The following TECPR2 variants were observed in gnomAD, a reference collection of about 807,000 sequenced individuals.
TECPR2 encodes the protein tectonin beta-propeller repeat-containing protein 2.
TECPR2 carries 65 observed loss-of-function variants against 138.1 expected under a neutral mutation model. The observed-to-expected ratio is 0.47, with a 90% CI of 0.39 to 0.58. The LOEUF is 0.58. Among genes scored for constraint, TECPR2 ranks in the 20% least tolerant of loss-of-function variants. The pLI is 0.00. For synonymous variants in TECPR2, 746 were observed against 749.8 expected (o/e 0.99, Z 0.08); for missense variants, 1,553 against 1,824.5 (o/e 0.85, Z 2.71).
chr14:102,390,722 C>T (rs1053823395), intron 2 of TECPR2, among the ~76,000 whole-genome samples: 1 of 151,904 alleles, frequency 6.6e-6, no homozygotes, highest in African/African-American at 2.4e-5. Context: ...CTAACACTTA[C>T]AGTGGTTTGA....
At chr14:102,383,405 G>T (rs1887892809) in intron 2 of TECPR2, among the ~76,000 whole-genome samples, 2 of 149,382 alleles carry the variant, frequency 1.3e-5, no homozygotes. Context: ...TGTCTTTTTT[G>T]TTTTTTTTGT....
At chr14:102,477,787 T>G (rs1192931395) in intron 17 of TECPR2, among the ~76,000 whole-genome samples, 5 of 139,746 alleles carry the variant, frequency 3.6e-5, no homozygotes, top group Non-Finnish European at 1.5e-5. Context: ...TACAAAAAAT[T>G]AGCCAGGCGT....
At position 102,419,157 on chromosome 14, in the gene TECPR2, G is replaced by A. The variant is rs953380795; in HGVS notation, c.638+4364G>A. Reference sequence around the variant, plus strand: ...GGGCATCAGGAGAGAACAGGAGTTGGGGGGTCAGAGGAGTCGGAGGCCATA... The same window carrying A: ...GGGCATCAGGAGAGAACAGGAGTTGAGGGGTCAGAGGAGTCGGAGGCCATA... On this transcript the variant is annotated intron_variant, in intron 5 of 19. Coordinates refer to ENST00000359520, the MANE Select transcript of TECPR2 (RefSeq NM_014844.5). This position sits in a 1 kb window ranked among gnomAD's most constrained non-coding sequence, Gnocchi z 4.8. Among the ~76,000 whole-genome samples the A allele has an allele frequency of 3.9e-5, 6 of 152,228 alleles. No homozygotes were observed. Among genetic ancestry groups the A allele is most frequent in the African/African-American group, 1.2e-4 (5 of 41,534 alleles).
intron 17 of TECPR2, among the ~76,000 whole-genome samples, chr14:102,491,163 G>C (rs539848356): frequency 1.3e-5 from 2 of 152,192 alleles, no homozygotes; most frequent in South Asian, 2.1e-4. Flanking sequence ...CAAAGTGCTG[G>C]GATTACAGGT....
chr14:102,376,038 G>A (rs142051223), intron 1 of TECPR2, among the ~76,000 whole-genome samples: 2 of 152,338 alleles, frequency 1.3e-5, no homozygotes, highest in African/African-American at 4.8e-5. Context: ...AACAGAGTAA[G>A]GTGCTGTGTG....
chr14:102,480,263 C>T (rs1294525073), intron 17 of TECPR2, among the ~76,000 whole-genome samples: 1 of 149,874 alleles, frequency 6.7e-6, no homozygotes, highest in Admixed American at 6.7e-5. Flanking sequence ...CTTGCTCTGT[C>T]GCCCAGGCTG....
At chr14:102,464,543 C>G (rs1435460769) in intron 16 of TECPR2, among the ~76,000 whole-genome samples, 2 of 152,068 alleles carry the variant, frequency 1.3e-5, no homozygotes, top group Non-Finnish European at 2.9e-5. Flanking sequence ...TGCCACCACA[C>G]CCAACTAATT....
chr14:102,490,385 G>T (rs1891127419), intron 17 of TECPR2, among the ~76,000 whole-genome samples: 1 of 152,228 alleles, frequency 6.6e-6, no homozygotes, highest in Non-Finnish European at 1.5e-5. Flanking sequence ...GACACCCAGG[G>T]TGTGCCCAGA....
At chr14:102,383,969 G>A (rs1887914702) in intron 2 of TECPR2, among the ~76,000 whole-genome samples, 1 of 147,464 alleles carries the variant, frequency 6.8e-6, no homozygotes, top group African/African-American at 2.5e-5. Flanking sequence ...TGCCTAGCCT[G>A]GAGTGCAGTG....
chr14:102,460,503 A>G (rs1567351931), intron 16 of TECPR2, among the ~76,000 whole-genome samples: 1 of 151,104 alleles, frequency 6.6e-6, no homozygotes, highest in African/African-American at 2.4e-5. Context: ...AATCCCAGCT[A>G]CTTGGGAGCC....
At chr14:102,439,029 T>C (rs1426212529) in intron 10 of TECPR2, among the ~76,000 whole-genome samples, 1 of 151,886 alleles carries the variant, frequency 6.6e-6, no homozygotes, top group Non-Finnish European at 1.5e-5. Context: ...GCCCAGCTAA[T>C]TTTTTTGTAT....
chr14:102,423,735 A>G (rs1013739548), intron 5 of TECPR2, among the ~76,000 whole-genome samples: 5 of 152,194 alleles, frequency 3.3e-5, no homozygotes, highest in African/African-American at 4.8e-5. Flanking sequence ...TATATATAGC[A>G]TATTCTTTTG....
intron 2 of TECPR2, among the ~76,000 whole-genome samples, chr14:102,386,501 G>T (rs1180229718): frequency 6.6e-6 from 1 of 150,594 alleles, no homozygotes; most frequent in Non-Finnish European, 1.5e-5. Flanking sequence ...TTTTTTTTTT[G>T]GCAAGAATGT....
At chr14:102,433,346 G>A (rs1297051815) in intron 8 of TECPR2, among the ~76,000 whole-genome samples, 2 of 151,920 alleles carry the variant, frequency 1.3e-5, no homozygotes, top group African/African-American at 2.4e-5. Flanking sequence ...TCCTTCCCAT[G>A]TTTATGTCCA....
intron 2 of TECPR2, among the ~76,000 whole-genome samples, chr14:102,378,991 T>A (rs1003869707): frequency 6.6e-6 from 1 of 152,214 alleles, no homozygotes; most frequent in Non-Finnish European, 1.5e-5. Context: ...TAATAGCTCA[T>A]GGATTCGACT....
Position 102,438,154 on chromosome 14 carries a change from C to T in TECPR2, c.2527C>T (p.Arg843Cys), listed in dbSNP as rs1337707151. 4 of 1,613,134 alleles carry T rather than the reference C, an allele frequency of 2.5e-6. No individual in the cohort carries two copies. The highest frequency in any genetic ancestry group is 1.7e-5 in the Admixed American group (1 of 59,976). Reference sequence around the variant, plus strand: ...CAGCGCGTTGCCGGGCGCCGGGCTGCGCTGGCAGAAGTTTGAAGATGCTGT... The same window carrying T: ...CAGCGCGTTGCCGGGCGCCGGGCTGTGCTGGCAGAAGTTTGAAGATGCTGT... ...FCSALPGAGLRWQKFEDAVQQ... is the reference protein window; with the variant it reads ...FCSALPGAGLCWQKFEDAVQQ... The change falls in exon 10 of 20, where the codon CGC (arginine) becomes TGC (cysteine). Residue 843 changes from arginine to cysteine, a missense_variant. Transcript: ENST00000359520.
intron 1 of TECPR2, among the ~76,000 whole-genome samples, chr14:102,373,148 A>G (rs79215847): frequency 2.0e-5 from 3 of 151,318 alleles, no homozygotes; most frequent in Admixed American, 1.3e-4. Flanking sequence ...GGATTGCAGG[A>G]AAAAAAAATG....
At chr14:102,476,689 A>C (rs546717160) in intron 17 of TECPR2, among the ~76,000 whole-genome samples, 81 of 152,306 alleles carry the variant, frequency 5.3e-4, no homozygotes, top group African/African-American at 1.9e-3. Context: ...TACAACTGAA[A>C]GTTGTCCAAA....
chr14:102,451,573 T>C (rs1890140836), intron 15 of TECPR2, among the ~76,000 whole-genome samples: 1 of 152,090 alleles, frequency 6.6e-6, no homozygotes, highest in Admixed American at 6.6e-5. Context: ...TGTGACCGCA[T>C]CCATGTTGCA....
Sources: gnomAD v4.1 joint callset for allele counts (sites outside exome capture counted in the v4.1 genomes callset) on GRCh38, gnomAD v4.1.1 for gene constraint, Gnocchi (gnomAD v3.1) non-coding constraint, MANE v1.5 for transcripts, NCBI Gene and HGNC (gene_info 2026-07-23, HGNC 2026-07-21) for gene names.